The following LARGE1 variants were observed in gnomAD, a reference collection of about 807,000 sequenced individuals.
LARGE1 encodes the protein xylosyl- and glucuronyltransferase LARGE1.
A neutral mutation model predicts 87.6 loss-of-function variants in LARGE1; 43 were observed. The ratio of observed to expected loss-of-function variants is 0.49; its 90% confidence interval spans 0.38 to 0.63. LARGE1 has a LOEUF of 0.63. Among genes scored for constraint, LARGE1 ranks in the 30% least tolerant of loss-of-function variants. LARGE1 has a pLI of 0.00. For missense variants in LARGE1, 802 were observed against 1,000.2 expected (o/e 0.80, Z 2.67); for synonymous variants, 434 against 394.6 (o/e 1.10, Z -1.18).
intron 1 of LARGE1, among the ~76,000 whole-genome samples, chr22:33,798,278 G>A (rs931363795): frequency 2.0e-5 from 3 of 151,220 alleles, no homozygotes; most frequent in South Asian, 2.2e-4. Flanking sequence ...AGACAAGAGC[G>A]AAACTCTGTC....
intron 6 of LARGE1, among the ~76,000 whole-genome samples, chr22:33,455,539 G>A (rs2068097011): frequency 6.6e-6 from 1 of 151,984 alleles, no homozygotes; most frequent in Non-Finnish European, 1.5e-5. Context: ...GATCACCTGA[G>A]GTCAGAAGTT....
chr22:33,620,027 T>C (rs911484273), intron 4 of LARGE1, among the ~76,000 whole-genome samples: 1 of 152,206 alleles, frequency 6.6e-6, no homozygotes, highest in African/African-American at 2.4e-5. Flanking sequence ...CCTGCTTCTT[T>C]GTTTTATTCA....
chr22:33,516,073 TTTGTTGCAGAGGATGCAGG>T (rs1569230376), intron 6 of LARGE1, among the ~76,000 whole-genome samples: 1 of 151,516 alleles, frequency 6.6e-6, no homozygotes. Context: ...AAGCTGAGAG[TTTGTTGCAGAGGATGCAGG>T]GAGGGTGTGA....
At chr22:33,696,261 TTC>T (rs1452208636) in intron 2 of LARGE1, among the ~76,000 whole-genome samples, 886 of 88,352 alleles carry the variant, frequency 0.01, 4 homozygotes, top group Admixed American at 0.016. Flanking sequence ...CTTTCTTTCT[TTC>T]TTTTTTTTTT....
chr22:33,821,528 C>A (rs1381268476), intron 1 of LARGE1, among the ~76,000 whole-genome samples: 1 of 152,098 alleles, frequency 6.6e-6, no homozygotes, highest in East Asian at 1.9e-4. Flanking sequence ...GTAAGGATGT[C>A]CAAGAAAGTG....
At chr22:33,792,235 G>C (rs1381492949) in intron 1 of LARGE1, among the ~76,000 whole-genome samples, 1 of 152,190 alleles carries the variant, frequency 6.6e-6, no homozygotes, top group East Asian at 1.9e-4. Flanking sequence ...TCATGGGAGG[G>C]ACCTGTTAGG....
At chr22:33,232,933 G>A (rs75960173) in intron 11 of LARGE1, among the ~76,000 whole-genome samples, 3,259 of 152,300 alleles carry the variant, frequency 0.021, 118 homozygotes, top group African/African-American at 0.073. Flanking sequence ...CAGGGAGCAG[G>A]AGCCTGTGCT....
At chr22:33,094,101 C>A in the LARGE1 span, among the ~76,000 whole-genome samples, 1 of 152,018 alleles carries the variant, frequency 6.6e-6, no homozygotes, top group Admixed American at 6.6e-5. Context: ...AAGTACTCAG[C>A]TTGCATTGAG....
downstream of LARGE1, among the ~76,000 whole-genome samples, chr22:33,270,015 A>T (rs1258073675): frequency 2.0e-5 from 3 of 151,990 alleles, no homozygotes; most frequent in Non-Finnish European, 4.4e-5. Context: ...AAAAAAAAAA[A>T]AAAAAGACTA....
intron 4 of LARGE1, among the ~76,000 whole-genome samples, chr22:33,615,910 C>A (rs571404467): frequency 6.6e-6 from 1 of 152,020 alleles, no homozygotes; most frequent in African/African-American, 2.4e-5. Context: ...AACAAGCACA[C>A]GAAAAGACAT....
At chr22:33,086,057 A>T in the LARGE1 span, among the ~76,000 whole-genome samples, 1 of 152,198 alleles carries the variant, frequency 6.6e-6, no homozygotes, top group Non-Finnish European at 1.5e-5. Context: ...GAATTTTAAC[A>T]CCTGTGCACA....
intron 13 of LARGE1, among the ~76,000 whole-genome samples, chr22:33,280,504 G>C (rs949680534): frequency 6.6e-6 from 1 of 152,094 alleles, no homozygotes; most frequent in Admixed American, 6.6e-5. Flanking sequence ...GGAAAACAAT[G>C]GGGGAGACGG....
At chr22:33,125,634 A>T in the LARGE1 span, among the ~76,000 whole-genome samples, 1 of 152,094 alleles carries the variant, frequency 6.6e-6, no homozygotes, top group African/African-American at 2.4e-5. Context: ...TTTAATAGAG[A>T]TGGAGTTTCA....
At chr22:33,651,240 A>AAAAAAAAAAAAAAAAAAAAC (rs1218968780) in intron 2 of LARGE1, among the ~76,000 whole-genome samples, 5 of 144,194 alleles carry the variant, frequency 3.5e-5, no homozygotes, top group Non-Finnish European at 4.6e-5. Flanking sequence ...AAAAAAAAAA[A>AAAAAAAAAAAAAAAAAAAAC]AATTAGCCGG....
At chr22:33,341,888 C>A (rs1939186710) in intron 9 of LARGE1, among the ~76,000 whole-genome samples, 1 of 152,200 alleles carries the variant, frequency 6.6e-6, no homozygotes, top group Non-Finnish European at 1.5e-5. Context: ...TTCCTACCCT[C>A]TCAAAGATGG....
At chr22:33,298,434 G>A (rs897499039) in intron 12 of LARGE1, among the ~76,000 whole-genome samples, 6 of 152,188 alleles carry the variant, frequency 3.9e-5, no homozygotes, top group Admixed American at 2.0e-4. Flanking sequence ...AAGAACTGGG[G>A]AAGAGGAAAA....
intron 1 of LARGE1, among the ~76,000 whole-genome samples, chr22:33,834,064 G>A (rs760389998): frequency 2.6e-5 from 4 of 152,076 alleles, no homozygotes; most frequent in Non-Finnish European, 4.4e-5. Context: ...GCCACCGAGT[G>A]GGAAAGCTGG....
At chr22:33,110,034 G>A in the LARGE1 span, among the ~76,000 whole-genome samples, 10 of 152,244 alleles carry the variant, frequency 6.6e-5, no homozygotes, top group African/African-American at 2.2e-4. Context: ...GAACTAACAC[G>A]CTTACTCATC....
intron 2 of LARGE1, among the ~76,000 whole-genome samples, chr22:33,748,468 T>C (rs2145608349): frequency 6.6e-6 from 1 of 152,302 alleles, no homozygotes; most frequent in African/African-American, 2.4e-5. Flanking sequence ...ACAGTCAACA[T>C]ATCCAAAGCA....
Sources: allele counts gnomAD v4.1 joint callset (sites outside exome capture counted in the v4.1 genomes callset), GRCh38; gene constraint gnomAD v4.1.1; transcripts MANE v1.5; gene names NCBI Gene and HGNC (gene_info 2026-07-23, HGNC 2026-07-21).